The following ZMIZ1 variants were observed in gnomAD, a reference collection of about 807,000 sequenced individuals.
The protein encoded by ZMIZ1 is zinc finger MIZ-type containing 1, also known as zinc finger MIZ domain-containing protein 1.
ZMIZ1 carries 17 observed loss-of-function variants against 113.9 expected under a neutral mutation model. The ratio of observed to expected loss-of-function variants is 0.15; its 90% CI spans 0.10 to 0.22. ZMIZ1 has a LOEUF of 0.22. ZMIZ1 is among the 10% of genes least tolerant of loss of function. The pLI is 1.00. For synonymous variants in ZMIZ1, 607 were observed against 603.1 expected (o/e 1.01, Z -0.09); for missense variants, 1,059 against 1,477.8 (o/e 0.72, Z 4.65).
chr10:79,117,357 ACCTT>A (rs1844083299), intron 1 of ZMIZ1, among the ~76,000 whole-genome samples: 1 of 152,088 alleles, frequency 6.6e-6, no homozygotes, highest in Admixed American at 6.5e-5. Context: ...GCCCTTCTTG[ACCTT>A]TATATAAATG....
chr10:79,283,841 A>G (rs1852893091), intron 8 of ZMIZ1, among the ~76,000 whole-genome samples: 1 of 152,206 alleles, frequency 6.6e-6, no homozygotes, highest in Non-Finnish European at 1.5e-5. Context: ...AGTAATTGTG[A>G]TGATGGAGAA....
At chr10:79,299,532 C>T (rs1854147167) in intron 16 of ZMIZ1, among the ~76,000 whole-genome samples, 1 of 152,232 alleles carries the variant, frequency 6.6e-6, no homozygotes, top group South Asian at 2.1e-4. Context: ...TCGAGTGTGA[C>T]TCATGTGGCC....
intron 2 of ZMIZ1, among the ~76,000 whole-genome samples, chr10:79,127,865 G>A (rs1269709513): frequency 6.6e-6 from 1 of 152,174 alleles, no homozygotes; most frequent in Non-Finnish European, 1.5e-5. Context: ...TTACCTGGTG[G>A]GAAGGAGGGC....
chr10:79,115,759 G>T (rs901708332), intron 1 of ZMIZ1, among the ~76,000 whole-genome samples: 4 of 152,238 alleles, frequency 2.6e-5, no homozygotes, highest in Admixed American at 1.3e-4. Context: ...CCAGGCCAAG[G>T]CCCTGGCTTT....
At chr10:79,175,321 CCTCTGG>C (rs1355455284) in intron 4 of ZMIZ1, among the ~76,000 whole-genome samples, 3 of 152,232 alleles carry the variant, frequency 2.0e-5, no homozygotes, top group Non-Finnish European at 1.5e-5. Flanking sequence ...TGCCCGTCTG[CCTCTGG>C]CTCTGGCTCT....
At chr10:79,281,705 G>A (rs190955655) in intron 8 of ZMIZ1, among the ~76,000 whole-genome samples, 101 of 152,372 alleles carry the variant, frequency 6.6e-4, no homozygotes, top group African/African-American at 1.9e-3. Context: ...AGTCGGTTCC[G>A]TGGAGCGAGG....
chr10:79,269,568 C>A (rs1851825009), intron 7 of ZMIZ1, among the ~76,000 whole-genome samples: 1 of 151,964 alleles, frequency 6.6e-6, no homozygotes, highest in African/African-American at 2.4e-5. Context: ...TTGCGTGTGG[C>A]TTCCCCAGGC....
Position 79,316,119 on chromosome 10 carries a change from C to T in ZMIZ1, c.*3370C>T, listed in dbSNP as rs1416527490. On this transcript the variant is annotated 3_prime_UTR_variant, in exon 25 of 25. Transcript: ENST00000334512. ...TTCAGAAGAAAATTGTAACCAAATT[C>T]ATACTTTGTATAATTTTTGATATCA... 1 of 152,746 alleles carries T rather than the reference C, an allele frequency of 6.5e-6. No individual in the cohort carries two copies. Among genetic ancestry groups the T allele is most frequent in the African/African-American group, 2.4e-5 (1 of 41,448 alleles). The allele number at this position is 152,746 out of a possible 1,614,324, so 9.5% of individuals were successfully genotyped here. A position where few individuals can be genotyped will look rare whatever the true frequency, so the allele number is the denominator to read the frequency against.
rs149356838 is a variant in ZMIZ1, at chr10:79,191,016, G to C, written c.-49-10568G>C. 9.2e-5 allele frequency among the ~76,000 whole-genome samples: 14 copies of C among 152,288 alleles called. No individual in the cohort carries two copies. The East Asian group carries it at 1.3e-3, about 15-fold the overall frequency. On this transcript the variant is annotated intron_variant, in intron 4 of 24. Coordinates refer to ENST00000334512, the MANE Select transcript of ZMIZ1 (RefSeq NM_020338.4). ...GTACCAGGTGGTTAACAATGGCTGTGCAGAAGTGTATGTGGAGGATTGGCT... is the reference window on the plus strand; with the variant it reads ...GTACCAGGTGGTTAACAATGGCTGTCCAGAAGTGTATGTGGAGGATTGGCT...
At chr10:79,301,790 G>A (rs1854317441) in intron 17 of ZMIZ1, among the ~76,000 whole-genome samples, 1 of 152,128 alleles carries the variant, frequency 6.6e-6, no homozygotes, top group South Asian at 2.1e-4. Context: ...GAGCACCCTG[G>A]CAGGAAGGGC....
chr10:79,312,807 A>C lies in ZMIZ1; in HGVS notation c.*58A>C. The stretch of plus-strand genomic sequence containing the variant: ...CTGCATCCTACCCCACCTACCCAAC[A>C]CACTTTTCCACCTGGGAGCCTGTGC... On this transcript the variant is annotated 3_prime_UTR_variant, in exon 25 of 25. Coordinates refer to ENST00000334512, the MANE Select transcript of ZMIZ1 (RefSeq NM_020338.4). The C allele has an allele frequency of 2.6e-6, 4 of 1,521,026 alleles. No homozygotes were observed. The highest frequency in any genetic ancestry group is 3.6e-6 in the Non-Finnish European group (4 of 1,098,104). 94.2% of individuals were successfully genotyped at this position (1,521,026 alleles called of 1,614,324 possible).
At chr10:79,227,850 G>C (rs1849253937) in intron 7 of ZMIZ1, among the ~76,000 whole-genome samples, 1 of 152,212 alleles carries the variant, frequency 6.6e-6, no homozygotes, top group Admixed American at 6.5e-5. Flanking sequence ...GACAGCAGAG[G>C]TTTAGATGGG....
chr10:79,169,089 C>T (rs1668384612), intron 4 of ZMIZ1, among the ~76,000 whole-genome samples: 2 of 152,228 alleles, frequency 1.3e-5, no homozygotes, highest in Admixed American at 1.3e-4. Context: ...CCTAGGGGAA[C>T]ATCTCTGCTT....
At chr10:79,189,560 T>C (rs2132606594) in intron 4 of ZMIZ1, among the ~76,000 whole-genome samples, 1 of 152,312 alleles carries the variant, frequency 6.6e-6, no homozygotes, top group Non-Finnish European at 1.5e-5. Flanking sequence ...GAGGCTAGCA[T>C]TGTGCCCCAG....
At chr10:79,289,572 C>T (rs541352319) in intron 8 of ZMIZ1, among the ~76,000 whole-genome samples, 22 of 152,318 alleles carry the variant, frequency 1.4e-4, no homozygotes, top group Admixed American at 8.5e-4. Context: ...GAAAGGTGGC[C>T]ACTTCTGAAC....
intron 1 of ZMIZ1, among the ~76,000 whole-genome samples, chr10:79,093,686 G>T (rs1183515254): frequency 1.3e-5 from 2 of 152,162 alleles, no homozygotes; most frequent in Non-Finnish European, 2.9e-5. Flanking sequence ...GGGCCACAGA[G>T]CCAGAAGGCG....
chr10:79,130,227 A>G (rs1453505306), intron 2 of ZMIZ1, among the ~76,000 whole-genome samples: 1 of 152,140 alleles, frequency 6.6e-6, no homozygotes, highest in Non-Finnish European at 1.5e-5. Flanking sequence ...CACCTTGCAT[A>G]AAGTCAGAAT....
chr10:79,177,423 C>T (rs951661965), intron 4 of ZMIZ1, among the ~76,000 whole-genome samples: 8 of 152,226 alleles, frequency 5.3e-5, no homozygotes, highest in African/African-American at 1.7e-4. Flanking sequence ...CGCCCTGTGC[C>T]CCCAGTTGAC....
chr10:79,254,748 C>T (rs540222199), intron 7 of ZMIZ1, among the ~76,000 whole-genome samples: 1 of 152,188 alleles, frequency 6.6e-6, no homozygotes, highest in South Asian at 2.1e-4. Flanking sequence ...GACAGGTGGG[C>T]GGGGGCGTTG....
Sources: allele counts gnomAD v4.1 joint callset (sites outside exome capture counted in the v4.1 genomes callset), GRCh38; gene constraint gnomAD v4.1.1; transcripts MANE v1.5; gene names NCBI Gene and HGNC (gene_info 2026-07-23, HGNC 2026-07-21).